Variants in VPS13B observed in about 807,000 individuals in gnomAD.
The protein encoded by VPS13B is vacuolar protein sorting 13 homolog B, also known as intermembrane lipid transfer protein VPS13B.
Under a neutral mutation model 426.4 loss-of-function variants are expected in VPS13B, and 285 were observed. The observed-to-expected ratio is 0.67, with a 90% confidence interval of 0.61 to 0.74. VPS13B has a LOEUF of 0.74. Ranked by LOEUF, VPS13B falls within the 30% of genes least tolerant of loss-of-function variation. VPS13B has a pLI of 0.00. For missense variants in VPS13B, 4,537 were observed against 4,782.6 expected (o/e 0.95, Z 1.51); for synonymous variants, 1,676 against 1,676.4 (o/e 1.00, Z 0.01).
intron 19 of VPS13B, among the ~76,000 whole-genome samples, chr8:99,358,358 A>G (rs377248533): frequency 1.7e-4 from 26 of 152,308 alleles, no homozygotes; most frequent in African/African-American, 5.8e-4. Context: ...AATTTGTACC[A>G]GTGTCCCACT....
chr8:99,763,163 A>AAAAAG (rs1563905521), intron 39 of VPS13B, among the ~76,000 whole-genome samples: 1 of 146,880 alleles, frequency 6.8e-6, no homozygotes, highest in African/African-American at 2.5e-5. Context: ...AAAAAAAAAA[A>AAAAAG]AAGAAGAGAA....
intron 33 of VPS13B, among the ~76,000 whole-genome samples, chr8:99,587,166 A>G (rs1055099821): frequency 1.3e-5 from 2 of 152,132 alleles, no homozygotes; most frequent in African/African-American, 4.8e-5. Context: ...CCTTTTTCAC[A>G]GCTGCATAGT....
At chr8:99,335,878 T>C (rs939413607) in intron 19 of VPS13B, among the ~76,000 whole-genome samples, 4 of 152,128 alleles carry the variant, frequency 2.6e-5, no homozygotes, top group Non-Finnish European at 5.9e-5. Context: ...TACAAACAAA[T>C]GGAAGGACAT....
chr8:99,056,574 G>A (rs1227344920), intron 3 of VPS13B, among the ~76,000 whole-genome samples: 2 of 152,194 alleles, frequency 1.3e-5, no homozygotes, highest in Non-Finnish European at 2.9e-5. Flanking sequence ...TAGCAGTGGT[G>A]AAAATGGGCA....
At chr8:99,842,598 G>A (rs1039882383) in intron 54 of VPS13B, among the ~76,000 whole-genome samples, 1 of 152,008 alleles carries the variant, frequency 6.6e-6, no homozygotes, top group African/African-American at 2.4e-5. Context: ...CTGGTTAACA[G>A]AGCAAAACCC....
At chr8:99,588,132 A>C (rs1387208227) in intron 33 of VPS13B, among the ~76,000 whole-genome samples, 1 of 151,682 alleles carries the variant, frequency 6.6e-6, no homozygotes, top group Admixed American at 6.6e-5. Flanking sequence ...AGATGGTTGT[A>C]GGTGTGTGGT....
chr8:99,279,380 C>A (rs925665576), intron 19 of VPS13B, among the ~76,000 whole-genome samples: 3 of 152,022 alleles, frequency 2.0e-5, no homozygotes, highest in African/African-American at 7.2e-5. Context: ...TTCCTGGGTT[C>A]AAATGATTCT....
intron 61 of VPS13B, 56 bp downstream of exon 61, chr8:99,871,753 A>G (rs1817427815): frequency 6.2e-7 from 1 of 1,610,178 alleles, no homozygotes; most frequent in Admixed American, 1.7e-5. Flanking sequence ...GTTGAGGAGC[A>G]GGCTGGTCAC....
chr8:99,275,218 C>G lies in VPS13B; in HGVS notation c.2788C>G (p.Gln930Glu). 6.2e-7 allele frequency: 1 copy of G among 1,611,888 alleles called. No individual in the cohort carries two copies. The highest frequency in any genetic ancestry group is 8.5e-7 in the Non-Finnish European group (1 of 1,179,204). ...TCCAGATTTGATGGCCTTCACAATC[C>G]AAGTTCCACAATATATTGACTACTG... ...LAPDLMAFTI[Q>E]VPQYIDYCHN... The change falls in exon 19 of 62, where the codon CAA becomes GAA. Residue 930 changes from glutamine to glutamate, a missense_variant. Gln to Glu is a conservative substitution (Grantham distance 29, BLOSUM62 2). Coordinates refer to ENST00000357162, the MANE Select transcript of VPS13B (RefSeq NM_152564.5).
chr8:99,106,495 C>T (rs146043156), intron 5 of VPS13B, among the ~76,000 whole-genome samples: 13 of 146,946 alleles, frequency 8.8e-5, no homozygotes, highest in Admixed American at 2.0e-4. Context: ...TATAGCTAAA[C>T]GACATACCAC....
intron 33 of VPS13B, among the ~76,000 whole-genome samples, chr8:99,618,100 A>G (rs1315434823): frequency 6.6e-6 from 1 of 152,146 alleles, no homozygotes; most frequent in Non-Finnish European, 1.5e-5. Context: ...CCATGCTCCA[A>G]ACAACTGGGA....
At chr8:99,839,260 ATTG>A (rs1237131268) in intron 54 of VPS13B, among the ~76,000 whole-genome samples, 2 of 151,958 alleles carry the variant, frequency 1.3e-5, no homozygotes, top group African/African-American at 4.8e-5. Context: ...TCGCAAATGG[ATTG>A]TTTTGTGGGG....
At chr8:99,039,402 A>G (rs2041486027) in intron 3 of VPS13B, among the ~76,000 whole-genome samples, 1 of 151,978 alleles carries the variant, frequency 6.6e-6, no homozygotes, top group African/African-American at 2.4e-5. Context: ...TTTTTTGCAG[A>G]TGTAATATTG....
chr8:99,157,329 T>C (rs886690951), intron 15 of VPS13B, among the ~76,000 whole-genome samples: 1 of 152,158 alleles, frequency 6.6e-6, no homozygotes, highest in African/African-American at 2.4e-5. Context: ...AAGCAAGGCT[T>C]TGGTGCCATT....
chr8:99,170,155 C>T lies in VPS13B; in HGVS notation c.2325C>T (p.Pro775=). Residue 775 remains proline, a synonymous_variant, in exon 16 of 62, where the codon CCC becomes CCT. Transcript: ENST00000357162. ...TTTATGGGAAACTTCTGAAACTCCC[C>T]ACATGCTGGTAAGTCTTACATGTTA... The part of the protein sequence containing the change: ...TALYGKLLKL[P]TCWTKRSQIA... 6.2e-7 allele frequency: 1 copy of T among 1,612,526 alleles called. No individual in the cohort carries two copies. Among genetic ancestry groups the T allele is most frequent in the Non-Finnish European group, 8.5e-7 (1 of 1,178,850 alleles).
At chr8:99,388,965 A>G (rs868510283) in intron 20 of VPS13B, among the ~76,000 whole-genome samples, 5 of 152,280 alleles carry the variant, frequency 3.3e-5, no homozygotes, top group Middle Eastern at 3.4e-3. Context: ...CCTGGCTAAG[A>G]TGGTGAAACC....
At chr8:99,574,258 T>G (rs1825645549) in intron 31 of VPS13B, among the ~76,000 whole-genome samples, 1 of 152,196 alleles carries the variant, frequency 6.6e-6, no homozygotes, top group African/African-American at 2.4e-5. Flanking sequence ...GGGGACAATA[T>G]GACTTCCTCT....
At chr8:99,676,319 C>T (rs1830930627) in intron 35 of VPS13B, among the ~76,000 whole-genome samples, 1 of 152,024 alleles carries the variant, frequency 6.6e-6, no homozygotes, top group South Asian at 2.1e-4. Flanking sequence ...AAACCAAAGG[C>T]CTTGTAGACA....
intron 17 of VPS13B, among the ~76,000 whole-genome samples, chr8:99,204,863 T>C (rs1814595098): frequency 6.6e-6 from 1 of 152,164 alleles, no homozygotes; most frequent in Admixed American, 6.5e-5. Flanking sequence ...CAACAGATGC[T>C]GGAGAGGATG....
Sources: allele counts gnomAD v4.1 joint callset (sites outside exome capture counted in the v4.1 genomes callset), GRCh38; gene constraint gnomAD v4.1.1; transcripts MANE v1.5; gene names NCBI Gene and HGNC (gene_info 2026-07-23, HGNC 2026-07-21).